Variants in TLR6 observed in about 807,000 individuals in gnomAD.
TLR6 encodes toll-like receptor 6.
Under a neutral mutation model 16.1 loss-of-function variants are expected in TLR6, and 9 were observed. That is an observed-to-expected ratio of 0.56 (90% CI 0.34 to 0.98). The LOEUF is 0.98. Ranked by LOEUF, TLR6 falls within the 50% of genes least tolerant of loss-of-function variation. TLR6 has a pLI of 0.02. For synonymous variants in TLR6, 340 were observed against 338.6 expected (o/e 1.00, Z -0.04); for missense variants, 786 against 921.0 (o/e 0.85, Z 1.90).
At position 38,829,163 on chromosome 4, in the gene TLR6, T is replaced by C. The variant is rs753051853; in HGVS notation, c.311A>G (p.Tyr104Cys). Residue 104 changes from tyrosine (Y) to cysteine (C), a missense_variant, in exon 2 of 2, where the codon TAT becomes TGT. Transcript: ENST00000436693. Reference sequence around the variant, plus strand: ...CAACTGATTATGAGATAAATCCAAATATTCTAAATCCTGGTTGAACTTGAA... The same window carrying C: ...CAACTGATTATGAGATAAATCCAAACATTCTAAATCCTGGTTGAACTTGAA... 6.8e-6 allele frequency: 11 copies of C among 1,614,046 alleles called. No individual in the cohort carries two copies. Among genetic ancestry groups the C allele is most frequent in the Non-Finnish European group, 8.5e-6 (10 of 1,180,028 alleles).
intron 1 of TLR6, among the ~76,000 whole-genome samples, chr4:38,835,160 T>A (rs1405239384): frequency 6.6e-6 from 1 of 152,160 alleles, no homozygotes; most frequent in Non-Finnish European, 1.5e-5. Flanking sequence ...ACTTCCTCAC[T>A]TAAAAGATAC....
At chr4:38,828,489 A>T (rs761171506) in exon 2 of TLR6, 1 of 1,614,080 alleles carries the variant, frequency 6.2e-7, no homozygotes, top group Non-Finnish European at 8.5e-7. Flanking sequence ...TTCATCTCAG[A>T]AAACACGGTG....
At chr4:38,823,717 G>C (rs1442220576) in exon 2 of TLR6, 1 of 152,014 alleles carries the variant, frequency 6.6e-6, no homozygotes, top group Non-Finnish European at 1.5e-5. Context: ...TTTGTTTTAG[G>C]TCTTTCTGGA....
chr4:38,861,709 C>T (rs1034970776), upstream of TLR6, among the ~76,000 whole-genome samples: 4 of 152,292 alleles, frequency 2.6e-5, no homozygotes, highest in African/African-American at 9.6e-5. Flanking sequence ...ACTACCCTTC[C>T]CTAGCCCCTT....
At chr4:38,845,153 G>T (rs11940971) in intron 1 of TLR6, among the ~76,000 whole-genome samples, 37,348 of 152,070 alleles carry the variant, frequency 0.25, 5,072 homozygotes, top group Non-Finnish European at 0.28. Flanking sequence ...CAAATATTTT[G>T]AAAAATATTA....
the TLR6 span, chr4:38,868,049 G>C: frequency 2.4e-6 from 1 of 425,186 alleles, no homozygotes; most frequent in South Asian, 1.6e-5. Context: ...GCGTGGGTGC[G>C]GGCGTGTGAG....
intron 1 of TLR6, among the ~76,000 whole-genome samples, chr4:38,845,297 T>A (rs1253729151): frequency 6.6e-6 from 1 of 152,204 alleles, no homozygotes; most frequent in Non-Finnish European, 1.5e-5. Context: ...GGGACTCACC[T>A]ATGACAGAAT....
At chr4:38,827,467 T>C in exon 2 of TLR6, 3 of 1,614,122 alleles carry the variant, frequency 1.9e-6, no homozygotes, top group Non-Finnish European at 2.5e-6. Flanking sequence ...GACAAATCTG[T>C]ATATCTTCTT....
intron 1 of TLR6, among the ~76,000 whole-genome samples, chr4:38,836,405 T>C (rs11933200): frequency 0.03 from 4,625 of 152,232 alleles, 234 homozygotes; most frequent in African/African-American, 0.11. Context: ...TCTGGATATA[T>C]ACAACCTACC....
chr4:38,827,892 C>G (rs772639370), exon 2 of TLR6: 1 of 1,614,154 alleles, frequency 6.2e-7, no homozygotes. Flanking sequence ...AATGGATTGT[C>G]CCCTGCTTTT....
At chr4:38,858,788 AGAGG>A (rs1713102303), upstream of TLR6, among the ~76,000 whole-genome samples, 9 of 50,208 alleles carry the variant, frequency 1.8e-4, no homozygotes, top group Non-Finnish European at 2.7e-4. Context: ...AGAGAGAGAG[AGAGG>A]GAGAGAGAGA....
At chr4:38,842,829 A>G (rs1348221679) in intron 1 of TLR6, among the ~76,000 whole-genome samples, 1 of 151,846 alleles carries the variant, frequency 6.6e-6, no homozygotes, top group Non-Finnish European at 1.5e-5. Flanking sequence ...CATTCGGGCC[A>G]TAGCAATGAC....
chr4:38,840,495 G>A (rs571490885), intron 1 of TLR6, among the ~76,000 whole-genome samples: 9 of 152,140 alleles, frequency 5.9e-5, no homozygotes, highest in South Asian at 2.1e-4. Flanking sequence ...TTAGCTGGGC[G>A]TGGTGGTGGG....
chr4:38,824,093 C>T (rs376145340), exon 2 of TLR6: 2 of 92,940 alleles, frequency 2.2e-5, no homozygotes, highest in African/African-American at 3.5e-5. Context: ...CCCCCGCCCC[C>T]CCCTGCCTGG....
intron 1 of TLR6, among the ~76,000 whole-genome samples, chr4:38,841,656 C>T (rs981488494): frequency 1.3e-5 from 2 of 152,212 alleles, no homozygotes; most frequent in African/African-American, 4.8e-5. Flanking sequence ...ATTTCTCAAG[C>T]TCTCAGCTCT....
chr4:38,862,443 G>A, the TLR6 span, among the ~76,000 whole-genome samples: 18 of 151,856 alleles, frequency 1.2e-4, no homozygotes, highest in African/African-American at 4.1e-4. Context: ...ATCACTCTCC[G>A]CTAATTTTTG....
At chr4:38,866,376 C>T in the TLR6 span, among the ~76,000 whole-genome samples, 2 of 151,598 alleles carry the variant, frequency 1.3e-5, no homozygotes, top group African/African-American at 4.8e-5. Context: ...ACCTGTAATC[C>T]CAGCTACTCA....
intron 1 of TLR6, among the ~76,000 whole-genome samples, chr4:38,852,349 G>A (rs1217948387): frequency 6.6e-6 from 1 of 152,130 alleles, no homozygotes; most frequent in Admixed American, 6.5e-5. Context: ...AACACCAAAA[G>A]CAATGGCAAC....
At chr4:38,849,281 C>T (rs187809198) in intron 1 of TLR6, among the ~76,000 whole-genome samples, 4,726 of 152,148 alleles carry the variant, frequency 0.031, 213 homozygotes, top group African/African-American at 0.087. Flanking sequence ...GAAGGAAGCA[C>T]TAAACATGGA....
Sources: allele counts gnomAD v4.1 joint callset (sites outside exome capture counted in the v4.1 genomes callset), GRCh38; gene constraint gnomAD v4.1.1; transcripts MANE v1.5; gene names NCBI Gene and HGNC (gene_info 2026-07-23, HGNC 2026-07-21).